PTPRK: variants seen among roughly 807,000 people sequenced by gnomAD.
PTPRK encodes the protein receptor-type tyrosine-protein phosphatase kappa.
Under a neutral mutation model 178.0 loss-of-function variants are expected in PTPRK, and 75 were observed. That is an observed-to-expected ratio of 0.42 (90% CI 0.35 to 0.51). PTPRK has a LOEUF of 0.51. PTPRK is among the 20% of genes least tolerant of loss of function. PTPRK has a pLI of 0.02. For missense variants in PTPRK, 1,441 were observed against 1,797.8 expected, an observed-to-expected ratio of 0.80 and a Z score of 3.59; for synonymous variants, 637 against 620.6, an observed-to-expected ratio of 1.03 and a Z score of -0.39.
At chr6:128,237,180 T>A (rs957865585) in intron 5 of PTPRK, among the ~76,000 whole-genome samples, 9 of 152,226 alleles carry the variant, frequency 5.9e-5, no homozygotes, top group African/African-American at 2.2e-4. Flanking sequence ...GCTGTTTTTC[T>A]AGTCTTTGTT....
chr6:128,438,425 C>A (rs1023122141), intron 1 of PTPRK, among the ~76,000 whole-genome samples: 1 of 152,220 alleles, frequency 6.6e-6, no homozygotes. Flanking sequence ...AGAATCTACT[C>A]TATCACTGCC....
intron 13 of PTPRK, among the ~76,000 whole-genome samples, chr6:128,028,332 G>T (rs937209684): frequency 4.6e-5 from 7 of 152,124 alleles, no homozygotes; most frequent in African/African-American, 1.7e-4. Context: ...ACCTTTTAAG[G>T]TTACCACACT....
intron 1 of PTPRK, among the ~76,000 whole-genome samples, chr6:128,486,901 T>C (rs1373914599): frequency 6.6e-6 from 1 of 151,588 alleles, no homozygotes; most frequent in East Asian, 1.9e-4. Flanking sequence ...AGAAAAAATA[T>C]TTAATTGACA....
intron 3 of PTPRK, among the ~76,000 whole-genome samples, chr6:128,270,231 G>T (rs1014076252): frequency 6.6e-6 from 1 of 152,030 alleles, no homozygotes; most frequent in African/African-American, 2.4e-5. Flanking sequence ...ATGTAAATAT[G>T]CAATCAGCAT....
intron 27 of PTPRK, among the ~76,000 whole-genome samples, chr6:127,975,955 G>A (rs1193241695): frequency 6.6e-6 from 1 of 152,010 alleles, no homozygotes; most frequent in Non-Finnish European, 1.5e-5. Flanking sequence ...CAGGCATGAG[G>A]CACTGTGCCC....
At chr6:127,973,630 C>A (rs1425828904) in intron 28 of PTPRK, 34 bp downstream of exon 28, 2 of 1,607,312 alleles carry the variant, frequency 1.2e-6, no homozygotes, top group Non-Finnish European at 1.7e-6. Flanking sequence ...AGCACCAAGG[C>A]CCCATGAATG....
chr6:128,001,293 A>T (rs1777801435), intron 15 of PTPRK: 2 of 971,816 alleles, frequency 2.1e-6, no homozygotes, highest in Middle Eastern at 2.2e-4. Flanking sequence ...ATCAGTAAGT[A>T]TTAGCATTAA....
chr6:127,992,293 G>T (rs937397141), intron 19 of PTPRK, among the ~76,000 whole-genome samples: 1 of 151,632 alleles, frequency 6.6e-6, no homozygotes, highest in African/African-American at 2.4e-5. Context: ...AACAATATTG[G>T]TCTTGGGTAC....
At chr6:128,410,359 A>C (rs1280683823) in intron 1 of PTPRK, among the ~76,000 whole-genome samples, 1 of 152,208 alleles carries the variant, frequency 6.6e-6, no homozygotes, top group African/African-American at 2.4e-5. Flanking sequence ...AATTTATAGG[A>C]TTCTGCAGTT....
intron 6 of PTPRK, among the ~76,000 whole-genome samples, chr6:128,192,826 G>A (rs1297483568): frequency 3.2e-4 from 43 of 135,844 alleles, no homozygotes; most frequent in Non-Finnish European, 5.4e-4. Flanking sequence ...CAGAAAAAGG[G>A]AAGGGAAGGG....
intron 5 of PTPRK, among the ~76,000 whole-genome samples, chr6:128,223,257 G>A (rs988855455): frequency 2.0e-5 from 3 of 151,750 alleles, no homozygotes; most frequent in African/African-American, 4.8e-5. Flanking sequence ...ACATTTTAGA[G>A]ACAAGAGTCA....
At chr6:128,034,413 C>A (rs1195777089) in intron 13 of PTPRK, among the ~76,000 whole-genome samples, 1 of 152,324 alleles carries the variant, frequency 6.6e-6, no homozygotes, top group South Asian at 2.1e-4. Flanking sequence ...GAAAAAGAAT[C>A]CGTAAACTCT....
intron 3 of PTPRK, among the ~76,000 whole-genome samples, chr6:128,293,025 T>G (rs2128307762): frequency 6.6e-6 from 1 of 152,150 alleles, no homozygotes; most frequent in South Asian, 2.1e-4. Context: ...TTTGTGACCC[T>G]GGTTAAGAAA....
chr6:128,481,989 A>G (rs1331864785), intron 1 of PTPRK, among the ~76,000 whole-genome samples: 1 of 152,114 alleles, frequency 6.6e-6, no homozygotes, highest in Non-Finnish European at 1.5e-5. Context: ...CTAATCAAAT[A>G]TGCTATCCCA....
intron 3 of PTPRK, among the ~76,000 whole-genome samples, chr6:128,243,550 G>A (rs1459708941): frequency 6.6e-6 from 1 of 150,962 alleles, no homozygotes; most frequent in Non-Finnish European, 1.5e-5. Context: ...GCTGGGTGTG[G>A]TGACACATGC....
intron 7 of PTPRK, among the ~76,000 whole-genome samples, chr6:128,145,276 G>GTAA (rs144319768): frequency 0.022 from 3,390 of 151,318 alleles, 96 homozygotes; most frequent in African/African-American, 0.048. Flanking sequence ...AGACACACAC[G>GTAA]TAATAATAAT....
At chr6:128,132,094 A>C (rs2114464898) in intron 7 of PTPRK, among the ~76,000 whole-genome samples, 1 of 152,360 alleles carries the variant, frequency 6.6e-6, no homozygotes, top group Admixed American at 6.5e-5. Flanking sequence ...CAGTAAAATG[A>C]AATAAAATGA....
At chr6:128,336,129 C>G (rs1282228364) in intron 2 of PTPRK, among the ~76,000 whole-genome samples, 2 of 152,056 alleles carry the variant, frequency 1.3e-5, no homozygotes, top group African/African-American at 4.8e-5. Flanking sequence ...TTCAACAAAA[C>G]ATTCCTTTTA....
Position 128,322,182 on chromosome 6 carries a change from G to T in PTPRK, c.352C>A (p.Leu118Met), listed in dbSNP as rs1375183632. 4.3e-6 allele frequency: 7 copies of T among 1,613,878 alleles called. No homozygotes were observed. The highest frequency in any genetic ancestry group is 5.1e-6 in the Non-Finnish European group (6 of 1,179,868). The change falls in exon 3 of 30, where the codon CTG becomes ATG. Residue 118 changes from leucine (L) to methionine (M), a missense_variant. This residue lies in a region of PTPRK where 158 missense variants were observed against 188.0 expected (regional missense o/e 0.84). Coordinates refer to ENST00000368226, the MANE Select transcript of PTPRK (RefSeq NM_002844.4). ...FSYLLYSQKG[L>M]NPGTLNILVR... is the part of the protein sequence containing the mutation. ...AATATGTTCAAAGTGCCAGGATTCA[G>T]TCCTTTCTGGCTATATAATAGGTAA...
Sources: gnomAD v4.1 joint callset for allele counts (sites outside exome capture counted in the v4.1 genomes callset) on GRCh38, gnomAD v4.1.1 for gene constraint, gnomAD v4.1.1 regional missense constraint, MANE v1.5 for transcripts, NCBI Gene and HGNC (gene_info 2026-07-23, HGNC 2026-07-21) for gene names.